Variants in ERBB4 observed in about 807,000 individuals in gnomAD.
The protein encoded by ERBB4 is erb-b2 receptor tyrosine kinase 4, also known as receptor tyrosine-protein kinase erbB-4.
A neutral mutation model predicts 158.0 loss-of-function variants in ERBB4; 42 were observed. The ratio of observed to expected loss-of-function variants is 0.27; its 90% CI spans 0.21 to 0.34. The LOEUF (loss-of-function observed/expected upper bound fraction) is 0.34, where lower values mean the gene tolerates loss of function less well. ERBB4 is among the 10% of genes least tolerant of loss of function. ERBB4 has a pLI of 1.00. For missense variants in ERBB4, 1,333 were observed against 1,624.1 expected (o/e 0.82, Z 3.08); for synonymous variants, 583 against 558.7 (o/e 1.04, Z -0.61).
Position 211,673,238 on chromosome 2 carries a change from T to C in ERBB4, c.1642A>G (p.Asn548Asp), listed in dbSNP as rs2071914489. The C allele has an allele frequency of 1.2e-6, 2 of 1,613,456 alleles. No homozygotes were observed. Among genetic ancestry groups the C allele is most frequent in the South Asian group, 2.2e-5 (2 of 91,062 alleles). ...TCACACTCCACACAGATGGAGCCAT[T>C]CTCAAACTCCCGAAATTCACTGTGA... Reference protein sequence around the residue: ...LYDGEFREFENGSICVECDPQ... With the variant: ...LYDGEFREFEDGSICVECDPQ... The change falls in exon 14 of 28, where the codon AAT becomes GAT. Residue 548 changes from asparagine (N) to aspartate (D), a missense_variant. By Grantham distance (23) the Asn-to-Asp change is conservative (BLOSUM62 1). This residue lies in a region of ERBB4 where 245 missense variants were observed against 247.5 expected (regional missense o/e 0.99). Transcript: ENST00000342788.
intron 3 of ERBB4, among the ~76,000 whole-genome samples, chr2:211,803,357 A>G (rs994400332): frequency 6.6e-6 from 1 of 152,252 alleles, no homozygotes; most frequent in African/African-American, 2.4e-5. Flanking sequence ...AGATTATATT[A>G]GATTATCACC....
Position 212,107,277 on chromosome 2 carries a change from C to T in ERBB4, c.234+17475G>A, listed in dbSNP as rs181983267. Among the ~76,000 whole-genome samples, 362 of 152,296 alleles carry T rather than the reference C, an allele frequency of 2.4e-3. 2 individuals carry two copies. Among genetic ancestry groups the T allele is most frequent in the African/African-American group, 8.3e-3 (343 of 41,568 alleles). On this transcript the variant is annotated intron_variant, in intron 2 of 27. Coordinates refer to ENST00000342788, the MANE Select transcript of ERBB4 (RefSeq NM_005235.3). ...GATGGGAGCCCACCTCTTGCATCAG[C>T]GTGACCTGGATATGAGACATGGAGT... is the stretch of plus-strand genomic sequence containing the variant.
In ERBB4 at chr2:212,373,951, C is replaced by CCATATATATCCATATATATCCAT. The variant is rs762810727; in HGVS notation, c.82+164497_82+164498insATGGATATATATGGATATATATG. Among the ~76,000 whole-genome samples, 2 of 35,178 alleles carry CCATATATATCCATATATATCCAT rather than the reference C, an allele frequency of 5.7e-5. 1 individual carries two copies. The highest frequency in any genetic ancestry group is 4.1e-4 in the African/African-American group (2 of 4,848). 23.1% of individuals were successfully genotyped at this position (35,178 alleles called of 152,430 possible). A position where few individuals can be genotyped will look rare whatever the true frequency, so the allele number is the denominator to read the frequency against. ...TATCCATATATATCCATATATATAT[C>CCATATATATCCATATATATCCAT]ATATATATATCCATATATATCCATA... is the stretch of plus-strand genomic sequence containing the variant. On this transcript the variant is annotated intron_variant, in intron 1 of 27. Coordinates refer to ENST00000342788, the MANE Select transcript of ERBB4 (RefSeq NM_005235.3).
Position 211,772,846 on chromosome 2 carries a change from T to TATATATATATATATACAC in ERBB4, c.556+15178_556+15179insGTGTATATATATATATAT, listed in dbSNP as rs2075736076. Among the ~76,000 whole-genome samples the TATATATATATATATACAC allele has an allele frequency of 1.6e-4, 10 of 60,818 alleles. 1 individual carries two copies. The highest frequency in any genetic ancestry group is 7.2e-4 in the African/African-American group (10 of 13,934). The allele number at this position is 60,818 out of a possible 152,430, so 39.9% of individuals were successfully genotyped here. The stretch of plus-strand genomic sequence containing the variant: ...ATATATATATATATACACATATATA[T>TATATATATATATATACAC]ATATATATATATATATATATATACA... On this transcript the variant is annotated intron_variant, in intron 4 of 27. Transcript: ENST00000342788.
chr2:212,317,833 G>GAA (rs113602546), intron 1 of ERBB4, among the ~76,000 whole-genome samples: 18 of 151,068 alleles, frequency 1.2e-4, no homozygotes, highest in South Asian at 8.3e-4. Context: ...TGTCTACAAT[G>GAA]AAAAAAAATT....
At chr2:211,811,048 C>T (rs1043341817) in intron 3 of ERBB4, among the ~76,000 whole-genome samples, 6 of 152,122 alleles carry the variant, frequency 3.9e-5, no homozygotes, top group African/African-American at 1.4e-4. Context: ...GAATTTGATT[C>T]TGTTATTATG....
At chr2:212,024,271 T>C (rs1012221304) in intron 2 of ERBB4, among the ~76,000 whole-genome samples, 1 of 151,958 alleles carries the variant, frequency 6.6e-6, no homozygotes, top group Non-Finnish European at 1.5e-5. Flanking sequence ...CCCTTCTTGC[T>C]CTACCTAATT....
intron 2 of ERBB4, among the ~76,000 whole-genome samples, chr2:211,996,778 T>C (rs181395805): frequency 6.6e-6 from 1 of 152,166 alleles, no homozygotes; most frequent in Non-Finnish European, 1.5e-5. Context: ...AAATCCTATT[T>C]TGGTGCCAAT....
chr2:212,392,209 T>A (rs375552724), intron 1 of ERBB4, among the ~76,000 whole-genome samples: 1 of 151,982 alleles, frequency 6.6e-6, no homozygotes, highest in African/African-American at 2.4e-5. Context: ...CTCAGACCAA[T>A]GTCCTTAGTC....
chr2:211,677,528 AC>A (rs376878053), intron 13 of ERBB4, among the ~76,000 whole-genome samples: 3 of 148,956 alleles, frequency 2.0e-5, no homozygotes, highest in African/African-American at 7.5e-5. Context: ...AGGCCATTGC[AC>A]TCCAGCCTGG....
chr2:211,947,377 T>C lies in ERBB4; in HGVS notation c.421+53A>G, dbSNP rs1461891508. The C allele has an allele frequency of 4.3e-6, 6 of 1,395,182 alleles. No homozygotes were observed. The Admixed American group carries it at 8.4e-5, about 20-fold the overall frequency. 86.4% of individuals were successfully genotyped at this position (1,395,182 alleles called of 1,614,324 possible). The stretch of plus-strand genomic sequence containing the variant: ...TATGACAGTAACCCTACATATACAA[T>C]TGCCTTATATTGATAATGAAAGCAT... On this transcript the variant is annotated intron_variant, in intron 3 of 27. Coordinates refer to ENST00000342788, the MANE Select transcript of ERBB4 (RefSeq NM_005235.3).
chr2:211,668,199 A>C (rs1344445852), intron 14 of ERBB4, among the ~76,000 whole-genome samples: 3 of 152,236 alleles, frequency 2.0e-5, no homozygotes, highest in African/African-American at 7.2e-5. Flanking sequence ...TTTTATGGTA[A>C]CACCATTGCA....
chr2:212,378,518 G>T (rs924861354), intron 1 of ERBB4, among the ~76,000 whole-genome samples: 1 of 151,808 alleles, frequency 6.6e-6, no homozygotes, highest in African/African-American at 2.4e-5. Context: ...AGATACTGGG[G>T]TACCATCTTC....
intron 1 of ERBB4, among the ~76,000 whole-genome samples, chr2:212,143,798 A>G (rs993345198): frequency 3.3e-5 from 5 of 152,006 alleles, no homozygotes; most frequent in Non-Finnish European, 5.9e-5. Context: ...CGGGCGGATC[A>G]CAAGGTCAGG....
At chr2:211,803,594 A>G (rs1177367859) in intron 3 of ERBB4, among the ~76,000 whole-genome samples, 1 of 152,206 alleles carries the variant, frequency 6.6e-6, no homozygotes, top group Non-Finnish European at 1.5e-5. Context: ...GACAATGTGA[A>G]CTCAGGGTTG....
At chr2:211,730,664 T>C (rs1160195766) in intron 5 of ERBB4, among the ~76,000 whole-genome samples, 2 of 152,046 alleles carry the variant, frequency 1.3e-5, no homozygotes, top group African/African-American at 2.4e-5. Flanking sequence ...CCATTTCTAT[T>C]AAGCTCCCAG....
intron 25 of ERBB4, among the ~76,000 whole-genome samples, chr2:211,402,909 C>T (rs746440325): frequency 1.3e-5 from 2 of 151,974 alleles, no homozygotes; most frequent in South Asian, 4.1e-4. Context: ...GCCGTTCCTC[C>T]TACATATTTT....
chr2:212,410,950 T>C (rs2091480176), intron 1 of ERBB4, among the ~76,000 whole-genome samples: 1 of 152,118 alleles, frequency 6.6e-6, no homozygotes, highest in African/African-American at 2.4e-5. Context: ...TATATGACTT[T>C]TTAAAAACTA....
intron 24 of ERBB4, among the ~76,000 whole-genome samples, chr2:211,421,266 A>C (rs7571149): frequency 0.013 from 1,926 of 152,106 alleles, 39 homozygotes; most frequent in African/African-American, 0.044. Flanking sequence ...AAATGGAAAT[A>C]AGTATCTTCT....
Sources: gnomAD v4.1 joint callset for allele counts (sites outside exome capture counted in the v4.1 genomes callset) on GRCh38, gnomAD v4.1.1 for gene constraint, gnomAD v4.1.1 regional missense constraint, MANE v1.5 for transcripts, NCBI Gene and HGNC (gene_info 2026-07-23, HGNC 2026-07-21) for gene names.